The following BACH2 variants were observed in gnomAD, a reference collection of about 807,000 sequenced individuals.
BACH2 encodes the protein BACH transcriptional regulator 2, also known as transcription regulator protein BACH2.
A neutral mutation model predicts 61.8 loss-of-function variants in BACH2; 5 were observed. That is an observed-to-expected ratio of 0.08 (90% CI 0.04 to 0.17). The LOEUF (loss-of-function observed/expected upper bound fraction) is 0.17, where lower values mean the gene tolerates loss of function less well. Among genes scored for constraint, BACH2 ranks in the 10% least tolerant of loss-of-function variants. The pLI, the probability that BACH2 is intolerant of heterozygous loss-of-function variation, is 1.00. For synonymous variants in BACH2, 446 were observed against 440.1 expected, an observed-to-expected ratio of 1.01 and a Z score of -0.17; for missense variants, 824 against 1,091.1, an observed-to-expected ratio of 0.76 and a Z score of 3.45.
At chr6:90,029,985 G>A (rs556684016) in intron 5 of BACH2, among the ~76,000 whole-genome samples, 1 of 152,342 alleles carries the variant, frequency 6.6e-6, no homozygotes, top group South Asian at 2.1e-4. Flanking sequence ...GAGATGCTGA[G>A]TAGAAGGTCT....
At chr6:89,963,942 TA>T (rs1481843448) in intron 6 of BACH2, among the ~76,000 whole-genome samples, 1 of 152,196 alleles carries the variant, frequency 6.6e-6, no homozygotes, top group Non-Finnish European at 1.5e-5. Context: ...CTAAGTGAAT[TA>T]AACTAATCAT....
intron 3 of BACH2, among the ~76,000 whole-genome samples, chr6:90,225,285 G>C (rs542084410): frequency 3.9e-5 from 6 of 152,310 alleles, no homozygotes; most frequent in Middle Eastern, 3.4e-3. Flanking sequence ...GGAGGCTGAT[G>C]GGGGAGAATC....
At position 89,950,200 on chromosome 6, in the gene BACH2, G is replaced by A. The variant is rs1245475766; in HGVS notation, c.1836+70C>T. 8 of 1,540,132 alleles carry A rather than the reference G, an allele frequency of 5.2e-6. No individual in the cohort carries two copies. The highest frequency in any genetic ancestry group is 4.5e-5 in the South Asian group (4 of 89,132). On this transcript the variant is annotated intron_variant, in intron 7 of 8. Coordinates refer to ENST00000257749, the MANE Select transcript of BACH2 (RefSeq NM_021813.4). This position sits in a 1 kb window ranked among gnomAD's most constrained non-coding sequence, Gnocchi z 5.3. Reference sequence around the variant, plus strand: ...GTAAGAACAATGTGGGAGTGGTGGGGGGCAGGGAGTAGTCCAGATAAAGGG... The same window carrying A: ...GTAAGAACAATGTGGGAGTGGTGGGAGGCAGGGAGTAGTCCAGATAAAGGG...
intron 4 of BACH2, among the ~76,000 whole-genome samples, chr6:90,161,398 T>G (rs1455017643): frequency 2.6e-5 from 4 of 152,182 alleles, no homozygotes; most frequent in Non-Finnish European, 5.9e-5. Context: ...CATTAAGTAT[T>G]TAATCCCTGT....
intron 5 of BACH2, among the ~76,000 whole-genome samples, chr6:90,056,173 T>C (rs1186980548): frequency 1.3e-5 from 2 of 152,152 alleles, no homozygotes; most frequent in Admixed American, 1.3e-4. Context: ...AGACACAGAC[T>C]GGCAAATTGG....
chr6:90,024,441 A>G (rs1435485073), intron 5 of BACH2, among the ~76,000 whole-genome samples: 3 of 152,214 alleles, frequency 2.0e-5, no homozygotes, highest in South Asian at 2.1e-4. Context: ...ATCTGAGCCC[A>G]GGCCTTTGCT....
At chr6:90,064,729 G>T (rs2127799728) in intron 5 of BACH2, among the ~76,000 whole-genome samples, 1 of 152,286 alleles carries the variant, frequency 6.6e-6, no homozygotes, top group South Asian at 2.1e-4. Flanking sequence ...GAGAATCCTA[G>T]AGAGAAAGCC....
rs1324294316 is a variant in BACH2, at chr6:90,013,464, C to T, written c.-12-4608G>A. 2.0e-5 allele frequency among the ~76,000 whole-genome samples: 3 copies of T among 150,810 alleles called. No homozygotes were observed. In the East Asian group the frequency reaches 5.8e-4, roughly 29 times the overall value. ...TTTCTCTCCCTCTCTCCTCCCCTTC[C>T]TTCCCTCCCCTCCCCTCCCCTTGTT... is the stretch of plus-strand genomic sequence containing the variant. On this transcript the variant is annotated intron_variant, in intron 5 of 8. Coordinates refer to ENST00000257749, the MANE Select transcript of BACH2 (RefSeq NM_021813.4).
intron 5 of BACH2, among the ~76,000 whole-genome samples, chr6:90,022,850 A>C (rs1778448582): frequency 6.6e-6 from 1 of 152,242 alleles, no homozygotes; most frequent in Non-Finnish European, 1.5e-5. Context: ...ATTATGACCG[A>C]ATAATTCCAT....
intron 8 of BACH2, among the ~76,000 whole-genome samples, chr6:89,935,603 T>TA (rs1158674234): frequency 6.6e-6 from 1 of 152,180 alleles, no homozygotes; most frequent in Non-Finnish European, 1.5e-5. Flanking sequence ...ACACAACGTG[T>TA]TATTTAAGGG....
At chr6:90,145,430 AG>A (rs1163528158) in intron 4 of BACH2, among the ~76,000 whole-genome samples, 2 of 152,244 alleles carry the variant, frequency 1.3e-5, no homozygotes, top group East Asian at 3.8e-4. Flanking sequence ...AGATAAACTT[AG>A]GAAGATGTGG....
chr6:90,230,213 A>C (rs920401734), intron 3 of BACH2, among the ~76,000 whole-genome samples: 1 of 152,210 alleles, frequency 6.6e-6, no homozygotes, highest in Non-Finnish European at 1.5e-5. Flanking sequence ...CAGTTTCCTT[A>C]TTTGTAAAAA....
At chr6:89,973,411 G>A (rs1775478930) in intron 6 of BACH2, among the ~76,000 whole-genome samples, 1 of 152,178 alleles carries the variant, frequency 6.6e-6, no homozygotes, top group Non-Finnish European at 1.5e-5. Flanking sequence ...TAATTGTGGA[G>A]CAACCTACCA....
intron 4 of BACH2, among the ~76,000 whole-genome samples, chr6:90,157,373 GGTT>G (rs1381791774): frequency 6.6e-6 from 1 of 152,118 alleles, no homozygotes; most frequent in Non-Finnish European, 1.5e-5. Context: ...AGTGAGATTG[GGTT>G]GTTAATTTAT....
intron 6 of BACH2, among the ~76,000 whole-genome samples, chr6:89,986,345 C>T (rs1358723015): frequency 2.6e-5 from 4 of 151,878 alleles, no homozygotes; most frequent in Non-Finnish European, 5.9e-5. Context: ...CTGCCTCCTA[C>T]TGCGTTTTTG....
At chr6:90,247,401 A>AT (rs34306682) in intron 3 of BACH2, among the ~76,000 whole-genome samples, 12,164 of 145,570 alleles carry the variant, frequency 0.084, 1,585 homozygotes, top group African/African-American at 0.28. Flanking sequence ...ATGTACAGTT[A>AT]TTTTTTTTTT....
At chr6:89,986,138 G>A (rs1435772304) in intron 6 of BACH2, among the ~76,000 whole-genome samples, 2 of 152,186 alleles carry the variant, frequency 1.3e-5, no homozygotes, top group Admixed American at 6.5e-5. Context: ...GCCTGTGGAG[G>A]GGATGGGCTG....
chr6:90,054,527 G>A (rs908004174), intron 5 of BACH2, among the ~76,000 whole-genome samples: 3 of 152,250 alleles, frequency 2.0e-5, no homozygotes, highest in Non-Finnish European at 4.4e-5. Context: ...GCCTGCCTCT[G>A]TAGGCTCCAC....
chr6:90,196,371 A>G (rs910822759), intron 4 of BACH2, among the ~76,000 whole-genome samples: 3 of 152,228 alleles, frequency 2.0e-5, no homozygotes, highest in Admixed American at 1.3e-4. Context: ...TAAAGTACAC[A>G]TTATTAAAGT....
Sources: allele counts gnomAD v4.1 joint callset (sites outside exome capture counted in the v4.1 genomes callset), GRCh38; gene constraint gnomAD v4.1.1; non-coding constraint Gnocchi (gnomAD v3.1); transcripts MANE v1.5; gene names NCBI Gene and HGNC (gene_info 2026-07-23, HGNC 2026-07-21).